The following CNTLN variants were observed in gnomAD, a reference collection of about 807,000 sequenced individuals.
The protein encoded by CNTLN is centlein.
In CNTLN, 212 loss-of-function variants were observed where a neutral mutation model predicts 180.0. That is an observed-to-expected ratio of 1.18 (90% CI 1.05 to 1.32). The LOEUF (loss-of-function observed/expected upper bound fraction) is 1.32. Among genes scored for constraint, CNTLN ranks in the 40% most tolerant of loss-of-function variants. The pLI, the probability that CNTLN is intolerant of heterozygous loss-of-function variation, is 0.00. For missense variants in CNTLN, 2,095 were observed against 1,610.9 expected, an observed-to-expected ratio of 1.30 and a Z score of -5.14; for synonymous variants, 722 against 563.1, an observed-to-expected ratio of 1.28 and a Z score of -3.99.
At chr9:17,342,742 C>T (rs933513587) in intron 12 of CNTLN, among the ~76,000 whole-genome samples, 22 of 152,094 alleles carry the variant, frequency 1.4e-4, no homozygotes, top group African/African-American at 2.4e-5. Context: ...TAGACGCTGC[C>T]GTGCTTCATT....
intron 18 of CNTLN, among the ~76,000 whole-genome samples, chr9:17,438,945 A>C (rs1162263732): frequency 6.6e-6 from 1 of 152,202 alleles, no homozygotes; most frequent in Non-Finnish European, 1.5e-5. Flanking sequence ...AGAATCTTAG[A>C]AGCCAAATGG....
rs555467615 is a variant in CNTLN, at chr9:17,137,216, A to T, written c.360+1791A>T. Among the ~76,000 whole-genome samples the T allele has an allele frequency of 7.2e-5, 11 of 152,306 alleles. No homozygotes were observed. The South Asian group carries it at 2.3e-3, about 32-fold the overall frequency. On this transcript the variant is annotated intron_variant, in intron 1 of 25. Transcript: ENST00000380647. The stretch of plus-strand genomic sequence containing the variant: ...GAGATGGTCATAATAGTCTAGAATG[A>T]TGATCTCTTAGATTTTGTAATATTA...
chr9:17,212,258 G>T (rs142395765), intron 2 of CNTLN, among the ~76,000 whole-genome samples: 3,939 of 152,196 alleles, frequency 0.026, 168 homozygotes, highest in African/African-American at 0.089. Context: ...AGAGTTTTTA[G>T]CATGAAGTGT....
intron 1 of CNTLN, among the ~76,000 whole-genome samples, chr9:17,141,945 G>A (rs1331113757): frequency 6.6e-6 from 1 of 151,934 alleles, no homozygotes; most frequent in Non-Finnish European, 1.5e-5. Context: ...AGCTGGGTGT[G>A]GTGGTGCGTG....
At chr9:17,334,925 A>G (rs990093006) in intron 10 of CNTLN, among the ~76,000 whole-genome samples, 3 of 151,846 alleles carry the variant, frequency 2.0e-5, no homozygotes, top group Non-Finnish European at 4.4e-5. Context: ...AAAAAAAAAA[A>G]AAAAAAGATT....
At chr9:17,335,587 A>G (rs4246136) in intron 10 of CNTLN, among the ~76,000 whole-genome samples, 90,215 of 151,948 alleles carry the variant, frequency 0.59, 27,058 homozygotes, top group East Asian at 0.73. Flanking sequence ...GTCAGTTGAT[A>G]CATTTTTTCC....
chr9:17,176,316 T>G (rs927136115), intron 2 of CNTLN, among the ~76,000 whole-genome samples: 15 of 152,254 alleles, frequency 9.9e-5, no homozygotes, highest in African/African-American at 3.6e-4. Flanking sequence ...GGCATTTGAT[T>G]CCATGAAATG....
At chr9:17,208,481 T>C (rs1823073713) in intron 2 of CNTLN, among the ~76,000 whole-genome samples, 2 of 152,340 alleles carry the variant, frequency 1.3e-5, no homozygotes, top group East Asian at 3.9e-4. Context: ...AAGACTAGCC[T>C]TGTTGAATGA....
intron 18 of CNTLN, among the ~76,000 whole-genome samples, chr9:17,446,305 G>A (rs1357606174): frequency 1.3e-5 from 2 of 152,150 alleles, no homozygotes; most frequent in African/African-American, 2.4e-5. Flanking sequence ...ACCCACAGGT[G>A]TGGAGGGGCA....
At chr9:17,156,044 C>T (rs1436661714) in intron 2 of CNTLN, among the ~76,000 whole-genome samples, 1 of 152,198 alleles carries the variant, frequency 6.6e-6, no homozygotes, top group African/African-American at 2.4e-5. Flanking sequence ...CTTCGGCTAG[C>T]CCTCTGTGGG....
the CNTLN span, among the ~76,000 whole-genome samples, chr9:17,516,612 A>T: frequency 6.6e-6 from 1 of 152,168 alleles, no homozygotes; most frequent in Non-Finnish European, 1.5e-5. Context: ...CCCCCCCTGG[A>T]TAATATGCCT....
chr9:17,373,621 A>G (rs1475905478), intron 13 of CNTLN, among the ~76,000 whole-genome samples: 1 of 152,190 alleles, frequency 6.6e-6, no homozygotes, highest in African/African-American at 2.4e-5. Flanking sequence ...ACAGAAACAG[A>G]AAAAACAATC....
Position 17,328,181 on chromosome 9 carries a change from A to C in CNTLN, c.1342-2451A>C, listed in dbSNP as rs531914290. Reference sequence around the variant, plus strand: ...CTCAGTTTATCATAGATATCTTTCCATTTTAGCCTTCAGCATAATTAGAAG... The same window carrying C: ...CTCAGTTTATCATAGATATCTTTCCCTTTTAGCCTTCAGCATAATTAGAAG... On this transcript the variant is annotated intron_variant, in intron 8 of 25. Transcript: ENST00000380647. 3.0e-3 allele frequency among the ~76,000 whole-genome samples: 463 copies of C among 152,218 alleles called. 5 individuals are homozygous for C. Among genetic ancestry groups the C allele is most frequent in the Admixed American group, 5.4e-3 (82 of 15,282 alleles).
chr9:17,145,679 TGGA>T lies in CNTLN; in HGVS notation c.449+2304_449+2306del, dbSNP rs573840446. ...TCCTTTTCCTCTTTGGCTTATGGTA[TGGA>T]TTTGGACGAATTAATTTCTAAACCT... is the stretch of plus-strand genomic sequence containing the variant. On this transcript the variant is annotated intron_variant, in intron 2 of 25. Coordinates refer to ENST00000380647, the MANE Select transcript of CNTLN (RefSeq NM_017738.4). Among the ~76,000 whole-genome samples the T allele has an allele frequency of 5.1e-3, 773 of 152,334 alleles. 5 individuals carry two copies. Among genetic ancestry groups the T allele is most frequent in the Admixed American group, 8.0e-3 (122 of 15,300 alleles).
In CNTLN at chr9:17,340,396, A is replaced by G. The variant is rs534848820; in HGVS notation, c.1645-431A>G. Among the ~76,000 whole-genome samples the G allele has an allele frequency of 2.7e-3, 404 of 152,276 alleles. 3 individuals carry two copies. Among genetic ancestry groups the G allele is most frequent in the Non-Finnish European group, 5.4e-3 (368 of 68,006 alleles). On this transcript the variant is annotated intron_variant, in intron 10 of 25. Transcript: ENST00000380647. ...CTTAGTAAATATTAGTTATGAATTC[A>G]TGTGCTAAATAATTGTTCTTACTCT...
intron 13 of CNTLN, among the ~76,000 whole-genome samples, chr9:17,387,072 A>C (rs1020770770): frequency 1.3e-5 from 2 of 152,190 alleles, no homozygotes; most frequent in African/African-American, 4.8e-5. Context: ...TAATTATTTC[A>C]TAAGTACAGA....
chr9:17,164,283 G>T (rs942924504), intron 2 of CNTLN, among the ~76,000 whole-genome samples: 1 of 137,876 alleles, frequency 7.3e-6, no homozygotes, highest in Admixed American at 7.8e-5. Context: ...CTGCACTCCA[G>T]CCTGGGCAGC....
At chr9:17,512,221 G>C in the CNTLN span, among the ~76,000 whole-genome samples, 1 of 152,180 alleles carries the variant, frequency 6.6e-6, no homozygotes, top group Non-Finnish European at 1.5e-5. Flanking sequence ...GCAGTGTAAA[G>C]CATTAGAGAT....
intron 18 of CNTLN, among the ~76,000 whole-genome samples, chr9:17,418,085 G>A (rs1203266480): frequency 6.6e-6 from 1 of 151,748 alleles, no homozygotes; most frequent in Non-Finnish European, 1.5e-5. Flanking sequence ...TATGTTATAG[G>A]TATAACTTAT....
Sources: gnomAD v4.1 joint callset for allele counts (sites outside exome capture counted in the v4.1 genomes callset) on GRCh38, gnomAD v4.1.1 for gene constraint, MANE v1.5 for transcripts, NCBI Gene and HGNC (gene_info 2026-07-23, HGNC 2026-07-21) for gene names.